Variants in B3GAT2 observed in about 807,000 individuals in gnomAD.
B3GAT2 encodes beta-1,3-glucuronyltransferase 2.
B3GAT2 carries 26 observed loss-of-function variants against 27.8 expected under a neutral mutation model. The ratio of observed to expected loss-of-function variants is 0.93; its 90% confidence interval spans 0.68 to 1.30. The LOEUF is 1.30. Among genes scored for constraint, B3GAT2 ranks in the 50% most tolerant of loss-of-function variants. B3GAT2 has a pLI of 0.00. For missense variants in B3GAT2, 458 were observed against 459.0 expected (o/e 1.00, Z 0.02); for synonymous variants, 218 against 195.1 (o/e 1.12, Z -0.98).
intron 1 of B3GAT2, among the ~76,000 whole-genome samples, chr6:70,940,129 C>T (rs1057156771): frequency 1.4e-4 from 22 of 152,000 alleles, no homozygotes; most frequent in Non-Finnish European, 2.8e-4. Context: ...GGGGCAACCA[C>T]ATAGGTAGGT....
chr6:70,905,115 A>G (rs753172629), intron 1 of B3GAT2, among the ~76,000 whole-genome samples: 2 of 152,218 alleles, frequency 1.3e-5, no homozygotes, highest in Non-Finnish European at 2.9e-5. Context: ...AGCCAAATCT[A>G]TGAGCTATTT....
intron 1 of B3GAT2, among the ~76,000 whole-genome samples, chr6:70,947,458 C>T (rs562832614): frequency 1.8e-4 from 28 of 151,488 alleles, no homozygotes; most frequent in East Asian, 7.7e-4. Context: ...AACACCTCTA[C>T]GCAAATAAAC....
At chr6:70,954,876 G>A (rs1486031285) in intron 1 of B3GAT2, among the ~76,000 whole-genome samples, 1 of 147,942 alleles carries the variant, frequency 6.8e-6, no homozygotes, top group African/African-American at 2.5e-5. Flanking sequence ...CAGCCTCAAG[G>A]AAGAACACCT....
At chr6:70,890,413 C>A (rs932757886) in intron 2 of B3GAT2, among the ~76,000 whole-genome samples, 2 of 152,206 alleles carry the variant, frequency 1.3e-5, no homozygotes, top group Non-Finnish European at 2.9e-5. Flanking sequence ...CTAGACTTCA[C>A]CTGTATGAGG....
intron 2 of B3GAT2, among the ~76,000 whole-genome samples, chr6:70,884,050 C>T (rs1210080346): frequency 2.7e-5 from 4 of 149,774 alleles, no homozygotes; most frequent in African/African-American, 7.4e-5. Context: ...TCACTTTCGC[C>T]CGCCTCTCTT....
At chr6:70,901,208 CT>C (rs1240016035) in intron 1 of B3GAT2, among the ~76,000 whole-genome samples, 16 of 152,212 alleles carry the variant, frequency 1.1e-4, no homozygotes, top group Non-Finnish European at 2.2e-4. Flanking sequence ...TTGCATCCCC[CT>C]CCTAATGATT....
At chr6:70,916,956 T>C (rs1004227370) in intron 1 of B3GAT2, among the ~76,000 whole-genome samples, 1 of 152,196 alleles carries the variant, frequency 6.6e-6, no homozygotes, top group African/African-American at 2.4e-5. Flanking sequence ...TTGATTGGAA[T>C]AGTTTCAGAA....
rs993343478 is a variant in B3GAT2 at position 70,942,517 on chromosome 6, C to A, written c.591+13322G>T. Among the ~76,000 whole-genome samples, 7 of 152,166 alleles carry A rather than the reference C, an allele frequency of 4.6e-5. 1 individual carries two copies. The highest frequency in any genetic ancestry group is 7.2e-5 in the African/African-American group (3 of 41,448). On this transcript the variant is annotated intron_variant, in intron 1 of 3. Coordinates refer to ENST00000230053, the MANE Select transcript of B3GAT2 (RefSeq NM_080742.3). ...TTACTTCTCAGCTCAAATGTCACTTCCTCCACAATTACTCCTACAATCAAC... is the reference window on the plus strand; with the variant it reads ...TTACTTCTCAGCTCAAATGTCACTTACTCCACAATTACTCCTACAATCAAC...
At chr6:70,899,410 T>C (rs1248955851) in intron 1 of B3GAT2, among the ~76,000 whole-genome samples, 1 of 152,238 alleles carries the variant, frequency 6.6e-6, no homozygotes, top group Non-Finnish European at 1.5e-5. Context: ...AGGTTTTGCT[T>C]AGCACACTCC....
In B3GAT2 at chr6:70,954,915, C is replaced by CGTG. The variant is rs538142193; in HGVS notation, c.591+923_591+924insCAC. On this transcript the variant is annotated intron_variant, in intron 1 of 3. Coordinates refer to ENST00000230053, the MANE Select transcript of B3GAT2 (RefSeq NM_080742.3). ...CTAACCCTGTGCCTGCCGGGGGCGG[C>CGTG]GGGGGGGGGCGGTGCGCGCGTGGCC... Among the ~76,000 whole-genome samples, 98 of 114,972 alleles carry CGTG rather than the reference C, an allele frequency of 8.5e-4. 3 individuals are homozygous for CGTG. The highest frequency in any genetic ancestry group is 1.3e-3 in the Admixed American group (15 of 11,522). 75.4% of individuals were successfully genotyped at this position (114,972 alleles called of 152,430 possible). A position where few individuals can be genotyped will look rare whatever the true frequency, so the allele number is the denominator to read the frequency against.
intron 2 of B3GAT2, among the ~76,000 whole-genome samples, chr6:70,868,221 C>G (rs1273310237): frequency 1.3e-5 from 2 of 152,148 alleles, no homozygotes; most frequent in Non-Finnish European, 2.9e-5. Context: ...TGGTGAAAGA[C>G]TGAGTGTTAA....
intron 1 of B3GAT2, among the ~76,000 whole-genome samples, chr6:70,922,420 G>A (rs1404330428): frequency 6.6e-6 from 1 of 152,040 alleles, no homozygotes; most frequent in Admixed American, 6.6e-5. Context: ...CATGCAACAT[G>A]CACCAGTATC....
At chr6:70,883,274 A>G (rs974329896) in intron 2 of B3GAT2, among the ~76,000 whole-genome samples, 1 of 152,156 alleles carries the variant, frequency 6.6e-6, no homozygotes, top group African/African-American at 2.4e-5. Flanking sequence ...CTGTGCACCA[A>G]TGTTTATAGC....
chr6:70,912,409 T>C (rs1436937124), intron 1 of B3GAT2, among the ~76,000 whole-genome samples: 2 of 152,218 alleles, frequency 1.3e-5, no homozygotes, highest in Non-Finnish European at 2.9e-5. Flanking sequence ...TTTTTAGTTC[T>C]GTTCATGTGA....
At chr6:70,909,999 G>A (rs1293761475) in intron 1 of B3GAT2, among the ~76,000 whole-genome samples, 2 of 151,842 alleles carry the variant, frequency 1.3e-5, no homozygotes, top group African/African-American at 2.4e-5. Context: ...TCAGTCTCCC[G>A]AGTAGCTGGG....
At chr6:70,884,887 C>T (rs1458932262) in intron 2 of B3GAT2, among the ~76,000 whole-genome samples, 1 of 152,214 alleles carries the variant, frequency 6.6e-6, no homozygotes, top group Non-Finnish European at 1.5e-5. Context: ...AGGGTGATTA[C>T]AGCTGCTCAG....
intron 2 of B3GAT2, among the ~76,000 whole-genome samples, chr6:70,872,816 A>G (rs1771959057): frequency 6.6e-6 from 1 of 151,742 alleles, no homozygotes; most frequent in Non-Finnish European, 1.5e-5. Flanking sequence ...CTAGTGTATG[A>G]TTTTAATTCT....
At position 70,956,422 on chromosome 6, in the gene B3GAT2, G is replaced by A; in HGVS notation, c.8C>T (p.Ser3Phe). Residue 3 changes from serine (S) to phenylalanine (F), a missense_variant, in exon 1 of 4, where the codon TCC (serine) becomes TTC (phenylalanine). Coordinates refer to ENST00000230053, the MANE Select transcript of B3GAT2 (RefSeq NM_080742.3). MK[S>F]ALFTRFFILL... is the part of the protein sequence containing the mutation. ...GATAAAGAAGCGGGTGAAAAGCGCG[G>A]ACTTCATGGTGCACGCTCCCTGGCC... 1 of 1,551,376 alleles carries A rather than the reference G, an allele frequency of 6.4e-7. No homozygotes were observed. Among genetic ancestry groups the A allele is most frequent in the Non-Finnish European group, 8.7e-7 (1 of 1,146,926 alleles).
intron 1 of B3GAT2, among the ~76,000 whole-genome samples, chr6:70,952,487 T>C (rs1765592701): frequency 6.6e-6 from 1 of 151,380 alleles, no homozygotes; most frequent in Non-Finnish European, 1.5e-5. Context: ...AATAGTGTTA[T>C]TGAAAACATG....
Sources: allele counts gnomAD v4.1 joint callset (sites outside exome capture counted in the v4.1 genomes callset), GRCh38; gene constraint gnomAD v4.1.1; transcripts MANE v1.5; gene names NCBI Gene and HGNC (gene_info 2026-07-23, HGNC 2026-07-21).